TRHDE: variants seen among roughly 807,000 people sequenced by gnomAD.
TRHDE encodes thyrotropin releasing hormone degrading enzyme.
TRHDE carries 72 observed loss-of-function variants against 125.7 expected under a neutral mutation model. That is an observed-to-expected ratio of 0.57 (90% CI 0.47 to 0.70). TRHDE has a LOEUF of 0.70. TRHDE is among the 30% of genes least tolerant of loss of function. The pLI is 0.00. For synonymous variants in TRHDE, 509 were observed against 509.1 expected, an observed-to-expected ratio of 1.00 and a Z score of 0.00; for missense variants, 1,110 against 1,327.1, an observed-to-expected ratio of 0.84 and a Z score of 2.54.
At chr12:72,307,330 A>ATTTTTTTTTTTT (rs11323954) in intron 2 of TRHDE, among the ~76,000 whole-genome samples, 1 of 137,152 alleles carries the variant, frequency 7.3e-6, no homozygotes, top group Non-Finnish European at 1.6e-5. Flanking sequence ...ATACCCAGCT[A>ATTTTTTTTTTTT]TTTTTTTTTT....
chr12:72,382,216 G>A (rs535714557), intron 3 of TRHDE, among the ~76,000 whole-genome samples: 1 of 152,188 alleles, frequency 6.6e-6, no homozygotes, highest in East Asian at 1.9e-4. Flanking sequence ...GTTAGATGAG[G>A]TCTCAGAATT....
At chr12:72,643,774 A>C (rs1237598900) in intron 15 of TRHDE, among the ~76,000 whole-genome samples, 1 of 152,216 alleles carries the variant, frequency 6.6e-6, no homozygotes, top group Non-Finnish European at 1.5e-5. Context: ...GTATCACTTC[A>C]ATGCTGGTGA....
chr12:72,209,689 T>C (rs965822777), intron 2 of TRHDE, among the ~76,000 whole-genome samples: 7 of 152,218 alleles, frequency 4.6e-5, no homozygotes, highest in African/African-American at 7.2e-5. Flanking sequence ...ACATGTTTAT[T>C]CTGTTAAGAT....
At chr12:72,165,876 C>T (rs1004556468) in intron 2 of TRHDE, among the ~76,000 whole-genome samples, 5 of 152,014 alleles carry the variant, frequency 3.3e-5, no homozygotes, top group African/African-American at 1.2e-4. Context: ...GGGGTTTCAC[C>T]GTTTTAGCCA....
At chr12:72,141,244 G>T (rs558013287) in intron 2 of TRHDE, among the ~76,000 whole-genome samples, 2 of 152,126 alleles carry the variant, frequency 1.3e-5, no homozygotes, top group Admixed American at 1.3e-4. Context: ...CTACTCTAAA[G>T]CCTGATATTC....
At chr12:72,568,058 T>G (rs930231075) in intron 9 of TRHDE, among the ~76,000 whole-genome samples, 5 of 152,116 alleles carry the variant, frequency 3.3e-5, no homozygotes, top group African/African-American at 1.2e-4. Context: ...TGACTAGTTT[T>G]TTTTTCTTTC....
chr12:72,388,619 G>T (rs1872521801), intron 3 of TRHDE, among the ~76,000 whole-genome samples: 1 of 152,070 alleles, frequency 6.6e-6, no homozygotes, highest in South Asian at 2.1e-4. Context: ...AAGAAATAAT[G>T]GTGCTGTACC....
chr12:72,345,931 CT>C (rs1870309427), intron 2 of TRHDE, among the ~76,000 whole-genome samples: 1 of 151,958 alleles, frequency 6.6e-6, no homozygotes, highest in African/African-American at 2.4e-5. Context: ...TTGGGTGAAT[CT>C]GAAAGTAGAA....
intron 3 of TRHDE, among the ~76,000 whole-genome samples, chr12:72,426,824 A>C (rs1049417515): frequency 6.6e-6 from 1 of 152,088 alleles, no homozygotes; most frequent in Non-Finnish European, 1.5e-5. Flanking sequence ...AGTAAGCCAC[A>C]GAGAAAATGA....
chr12:72,217,651 T>C (rs1877919643), intron 2 of TRHDE, among the ~76,000 whole-genome samples: 1 of 152,154 alleles, frequency 6.6e-6, no homozygotes, highest in Non-Finnish European at 1.5e-5. Flanking sequence ...ACAGTGCATA[T>C]ACATTTAAAG....
At chr12:72,205,776 G>T (rs1200116247) in intron 2 of TRHDE, among the ~76,000 whole-genome samples, 1 of 152,136 alleles carries the variant, frequency 6.6e-6, no homozygotes, top group Non-Finnish European at 1.5e-5. Flanking sequence ...AGACATTGAG[G>T]TTGCTTTCAC....
chr12:72,177,206 G>T (rs1877007860), intron 2 of TRHDE, among the ~76,000 whole-genome samples: 1 of 152,068 alleles, frequency 6.6e-6, no homozygotes, highest in African/African-American at 2.4e-5. Context: ...TGCTAAATTG[G>T]ATTGCTTATA....
intron 2 of TRHDE, among the ~76,000 whole-genome samples, chr12:72,225,577 A>T (rs1784635534): frequency 6.6e-6 from 1 of 152,174 alleles, no homozygotes; most frequent in African/African-American, 2.4e-5. Flanking sequence ...GGAAAAAATA[A>T]TTGTTTTGGT....
intron 2 of TRHDE, among the ~76,000 whole-genome samples, chr12:72,110,450 C>T (rs915095893): frequency 4.0e-5 from 6 of 151,770 alleles, no homozygotes; most frequent in Admixed American, 3.9e-4. Flanking sequence ...CACATTTCTT[C>T]TCAAAGACCA....
chr12:72,381,101 TG>T (rs759901967), intron 3 of TRHDE, among the ~76,000 whole-genome samples: 2 of 152,064 alleles, frequency 1.3e-5, no homozygotes, highest in Non-Finnish European at 2.9e-5. Context: ...TGTTACAACT[TG>T]GGGGGTGAGT....
intron 2 of TRHDE, among the ~76,000 whole-genome samples, chr12:72,165,934 C>T (rs1020094324): frequency 6.6e-6 from 1 of 152,114 alleles, no homozygotes; most frequent in Non-Finnish European, 1.5e-5. Flanking sequence ...CATGGCCTCC[C>T]AAAGTGCTGG....
At chr12:72,175,201 A>G (rs753618534) in intron 2 of TRHDE, among the ~76,000 whole-genome samples, 3 of 152,158 alleles carry the variant, frequency 2.0e-5, no homozygotes, top group African/African-American at 4.8e-5. Context: ...CTTTGCTTCT[A>G]TGAGTTTAAC....
chr12:72,140,701 T>G (rs971782734), intron 2 of TRHDE, among the ~76,000 whole-genome samples: 6 of 152,198 alleles, frequency 3.9e-5, no homozygotes, highest in African/African-American at 1.4e-4. Flanking sequence ...TGGCAGAGTA[T>G]GTTAAGGAGC....
At chr12:72,533,723 G>GTTTTTTTTTTTTTTTTTCTTTTTTT in intron 6 of TRHDE, among the ~76,000 whole-genome samples, 4 of 97,900 alleles carry the variant, frequency 4.1e-5, no homozygotes, top group Non-Finnish European at 6.9e-5. Flanking sequence ...TTTTCTATTT[G>GTTTTTTTTTTTTTTTTTCTTTTTTT]TTTTTTTTTT....
Sources: gnomAD v4.1 joint callset for allele counts (sites outside exome capture counted in the v4.1 genomes callset) on GRCh38, gnomAD v4.1.1 for gene constraint, MANE v1.5 for transcripts, NCBI Gene and HGNC (gene_info 2026-07-23, HGNC 2026-07-21) for gene names.